PRRG2: variants seen among roughly 807,000 people sequenced by gnomAD.
PRRG2 encodes the protein proline rich and Gla domain 2, also known as transmembrane gamma-carboxyglutamic acid protein 2.
A neutral mutation model predicts 27.1 loss-of-function variants in PRRG2; 23 were observed. The observed-to-expected ratio is 0.85, with a 90% CI of 0.61 to 1.20. PRRG2 has a LOEUF of 1.20. Among genes scored for constraint, PRRG2 ranks in the 50% most tolerant of loss-of-function variants. The probability of loss-of-function intolerance (pLI) is 0.00; values close to 1 mark genes in which losing one functional copy is unlikely to be tolerated. For missense variants in PRRG2, 276 were observed against 254.8 expected, an observed-to-expected ratio of 1.08 and a Z score of -0.57; for synonymous variants, 104 against 103.4, an observed-to-expected ratio of 1.01 and a Z score of -0.03.
rs753145623 is a variant in PRRG2, at chr19:49,584,173, C to CT, written c.301+236dup. ...TTTTATTTTTAAATATTTATTTTTG[C>CT]TTTTTTTTTTTTTTTGAGACAGAGT... On this transcript the variant is annotated intron_variant, in intron 4 of 6. Coordinates refer to ENST00000246794, the MANE Select transcript of PRRG2 (RefSeq NM_000951.3). Among the ~76,000 whole-genome samples, 216 of 139,242 alleles carry CT rather than the reference C, an allele frequency of 1.6e-3. 1 individual carries two copies. The highest frequency in any genetic ancestry group is 4.6e-3 in the South Asian group (20 of 4,376). 91.3% of individuals were successfully genotyped at this position (139,242 alleles called of 152,430 possible). A position where few individuals can be genotyped will look rare whatever the true frequency, so the allele number is the denominator to read the frequency against.
chr19:49,582,865 C>A (rs2080638212), intron 1 of PRRG2, among the ~76,000 whole-genome samples: 1 of 149,070 alleles, frequency 6.7e-6, no homozygotes, highest in African/African-American at 2.5e-5. Context: ...GAGACTCTGT[C>A]TCAAAAAAAA....
At chr19:49,584,491 C>A (rs1280288524) in intron 4 of PRRG2, among the ~76,000 whole-genome samples, 1 of 152,106 alleles carries the variant, frequency 6.6e-6, no homozygotes, top group Non-Finnish European at 1.5e-5. Flanking sequence ...ATTTTTGAGA[C>A]AGGGTCTCGC....
intron 5 of PRRG2, 101 bp from the exon 6 acceptor site, chr19:49,589,799 C>G (rs2080700930): frequency 1.5e-6 from 2 of 1,323,592 alleles, no homozygotes; most frequent in African/African-American, 1.4e-5. Context: ...AGCTCTGTCC[C>G]AGTGTCACCC....
At chr19:49,582,171 G>GCAGA (rs1043899407) in intron 1 of PRRG2, among the ~76,000 whole-genome samples, 11 of 146,274 alleles carry the variant, frequency 7.5e-5, no homozygotes, top group Admixed American at 6.9e-4. Flanking sequence ...AACCCAGGAG[G>GCAGA]CAGAGGTCAC....
At chr19:49,590,272 G>A (rs1163859636) in intron 6 of PRRG2, 99 bp from the exon 7 acceptor site, 1 of 1,567,554 alleles carries the variant, frequency 6.4e-7, no homozygotes. Context: ...GAGGGTCCTG[G>A]ATTGGCTGAG....
At position 49,583,231 on chromosome 19, in the gene PRRG2, C is replaced by A; in HGVS notation, c.12C>A (p.His4Gln). 2 of 1,614,000 alleles carry A rather than the reference C, an allele frequency of 1.2e-6. No individual in the cohort carries two copies. Among genetic ancestry groups the A allele is most frequent in the East Asian group, 2.2e-5 (1 of 44,870 alleles). Residue 4 changes from histidine to glutamine, a missense_variant, in exon 2 of 7, where the codon CAC becomes CAA. His to Gln is a conservative substitution (Grantham distance 24, BLOSUM62 0). Coordinates refer to ENST00000246794, the MANE Select transcript of PRRG2 (RefSeq NM_000951.3). Reference protein sequence around the residue: MRGHPSLLLLYMAL... With the variant: MRGQPSLLLLYMAL... Reference sequence around the variant, plus strand: ...GGTGTCTGGAAAATATGAGGGGCCACCCCTCTCTGCTGCTGCTATATATGG... The same window carrying A: ...GGTGTCTGGAAAATATGAGGGGCCAACCCTCTCTGCTGCTGCTATATATGG...
chr19:49,588,483 C>T lies in PRRG2; in HGVS notation c.302-14C>T. 1 of 1,586,150 alleles carries T rather than the reference C, an allele frequency of 6.3e-7. No homozygotes were observed. The highest frequency in any genetic ancestry group is 8.6e-7 in the Non-Finnish European group (1 of 1,167,006). On this transcript the variant is annotated splice_polypyrimidine_tract_variant and intron_variant, in intron 4 of 6. Transcript: ENST00000246794. ...TCCCCGAGACAGTGTCTCCCCTTCCCTACTTTCCTGCAGGGCGTGGACGAG... is the reference window on the plus strand; with the variant it reads ...TCCCCGAGACAGTGTCTCCCCTTCCTTACTTTCCTGCAGGGCGTGGACGAG...
chr19:49,581,036 C>T (rs2080618458), upstream of PRRG2, among the ~76,000 whole-genome samples: 2 of 152,192 alleles, frequency 1.3e-5, 1 homozygote, highest in Admixed American at 1.3e-4. Context: ...CGGCACTGCC[C>T]AGCTGTCCCA....
At chr19:49,589,426 CTTTTTTTTTTT>C (rs398059803) in intron 5 of PRRG2, among the ~76,000 whole-genome samples, 1 of 132,354 alleles carries the variant, frequency 7.6e-6, no homozygotes, top group South Asian at 2.4e-4. Context: ...ACGCCTGGCC[CTTTTTTTTTTT>C]TTTTTTTTTA....
At chr19:49,585,065 A>G (rs1391133791) in intron 4 of PRRG2, among the ~76,000 whole-genome samples, 1 of 152,146 alleles carries the variant, frequency 6.6e-6, no homozygotes, top group Non-Finnish European at 1.5e-5. Flanking sequence ...CTTGTTGCTA[A>G]GGGGGGCTGC....
intron 4 of PRRG2, among the ~76,000 whole-genome samples, 154 bp from the exon 5 acceptor site, chr19:49,588,343 A>T (rs2080687646): frequency 6.6e-6 from 1 of 151,954 alleles, no homozygotes; most frequent in South Asian, 2.1e-4. Context: ...CAGAGAAAGG[A>T]ATGAGGTGAA....
At chr19:49,588,313 C>T (rs1470785036) in intron 4 of PRRG2, among the ~76,000 whole-genome samples, 184 bp from the exon 5 acceptor site, 1 of 152,130 alleles carries the variant, frequency 6.6e-6, no homozygotes, top group Non-Finnish European at 1.5e-5. Flanking sequence ...TCCCATTTTA[C>T]AGAACTGGCA....
At chr19:49,590,086 G>A in intron 6 of PRRG2, 34 bp downstream of exon 6, 2 of 1,465,582 alleles carry the variant, frequency 1.4e-6, no homozygotes, top group South Asian at 1.4e-5. Flanking sequence ...GGGGCGGGGC[G>A]CAGAGGGGTG....
chr19:49,589,830 C>G, intron 5 of PRRG2, 70 bp from the exon 6 acceptor site: 1 of 1,530,072 alleles, frequency 6.5e-7, no homozygotes, highest in Non-Finnish European at 9.0e-7. Flanking sequence ...TCTCCTAGAT[C>G]CCCTCTCTTC....
At chr19:49,589,235 C>T (rs945424294) in intron 5 of PRRG2, among the ~76,000 whole-genome samples, 2 of 148,186 alleles carry the variant, frequency 1.3e-5, no homozygotes, top group African/African-American at 5.0e-5. Context: ...TCAAGTGATT[C>T]TCCTGCCTCA....
chr19:49,584,043 G>C, intron 4 of PRRG2, 91 bp downstream of exon 4: 2 of 1,353,300 alleles, frequency 1.5e-6, no homozygotes, highest in South Asian at 1.4e-5. Flanking sequence ...CCCAAATTAG[G>C]TACAAGAATC....
chr19:49,583,234 CT>C lies in PRRG2; in HGVS notation c.16del (p.Ser6LeufsTer9). On this transcript the variant is annotated frameshift_variant, in exon 2 of 7. Coordinates refer to ENST00000246794, the MANE Select transcript of PRRG2 (RefSeq NM_000951.3). LOFTEE classifies it high-confidence loss of function. MRGHP[S>X]LLLLYMALTT... ...GTCTGGAAAATATGAGGGGCCACCC[CT>C]CTCTGCTGCTGCTATATATGGCATT... The C allele has an allele frequency of 6.2e-7, 1 of 1,614,108 alleles. No homozygotes were observed. Among genetic ancestry groups the C allele is most frequent in the East Asian group, 2.2e-5 (1 of 44,880 alleles).
chr19:49,590,199 G>A (rs2080707860), intron 6 of PRRG2, 147 bp downstream of exon 6: 3 of 1,408,464 alleles, frequency 2.1e-6, no homozygotes, highest in African/African-American at 1.4e-5. Context: ...CCATGCAATG[G>A]TCTAGGGGCG....
rs2080649877 is a variant in PRRG2 at position 49,584,024 on chromosome 19, G to A, written c.301+72G>A. 40 of 1,440,538 alleles carry A rather than the reference G, an allele frequency of 2.8e-5. 2 individuals are homozygous for A. Among genetic ancestry groups the A allele is most frequent in the South Asian group, 2.6e-4 (20 of 77,112 alleles). 89.2% of individuals were successfully genotyped at this position (1,440,538 alleles called of 1,614,324 possible). A position where few individuals can be genotyped will look rare whatever the true frequency, so the allele number is the denominator to read the frequency against. ...CCCTTCCCAGCGAGGCCAAACCAAC[G>A]TCCTCCACCCCAAATTAGGTACAAG... On this transcript the variant is annotated intron_variant, in intron 4 of 6. Coordinates refer to ENST00000246794, the MANE Select transcript of PRRG2 (RefSeq NM_000951.3).
Sources: gnomAD v4.1 joint callset for allele counts (sites outside exome capture counted in the v4.1 genomes callset) on GRCh38, gnomAD v4.1.1 for gene constraint, MANE v1.5 for transcripts, NCBI Gene and HGNC (gene_info 2026-07-23, HGNC 2026-07-21) for gene names.